PRRC2C: variants seen among roughly 807,000 people sequenced by gnomAD.
PRRC2C encodes the protein protein PRRC2C.
PRRC2C carries 72 observed loss-of-function variants against 317.2 expected under a neutral mutation model. The ratio of observed to expected loss-of-function variants is 0.23; its 90% confidence interval spans 0.19 to 0.28. The LOEUF is 0.28. PRRC2C is among the 10% of genes least tolerant of loss of function. PRRC2C has a pLI of 1.00. For synonymous variants in PRRC2C, 1,296 were observed against 1,205.9 expected (o/e 1.07, Z -1.55); for missense variants, 3,074 against 3,459.7 (o/e 0.89, Z 2.80).
intron 1 of PRRC2C, among the ~76,000 whole-genome samples, chr1:171,507,483 C>T (rs574133300): frequency 3.6e-4 from 55 of 152,174 alleles, no homozygotes; most frequent in Middle Eastern, 3.4e-3. Flanking sequence ...TGGTGGCAGA[C>T]GCCCGTAGTC....
intron 6 of PRRC2C, 132 bp downstream of exon 6, chr1:171,517,946 T>C (rs1182911310): frequency 1.5e-6 from 1 of 688,040 alleles, no homozygotes; most frequent in African/African-American, 1.9e-5. Context: ...CATTCTCTTT[T>C]ATTGTATGGT....
At chr1:171,563,550 G>GA (rs1229406889) in intron 20 of PRRC2C, among the ~76,000 whole-genome samples, 2 of 151,946 alleles carry the variant, frequency 1.3e-5, no homozygotes, top group Admixed American at 1.3e-4. Context: ...AAGGAGTACA[G>GA]AAAAAAATGG....
rs569459757 is a variant in PRRC2C, at chr1:171,546,893, C to T, written c.4972+1206C>T. ...TTGGCCTCCCAAAGTGCTGGGATTA[C>T]GGGCATGAGCCACCACGCCCAGCCA... On this transcript the variant is annotated intron_variant, in intron 17 of 34. Transcript: ENST00000647382. Among the ~76,000 whole-genome samples, 7 of 151,826 alleles carry T rather than the reference C, an allele frequency of 4.6e-5. No individual in the cohort carries two copies. The South Asian group carries it at 1.1e-3, about 23-fold the overall frequency.
Position 171,515,312 on chromosome 1 carries a change from A to G in PRRC2C, c.401-422A>G, listed in dbSNP as rs139267102. ...AAATCAAAGTAAAGTAAATGAAGCA[A>G]TAAATTAAATAAAGGCATTTTAGCC... On this transcript the variant is annotated intron_variant, in intron 4 of 34. Coordinates refer to ENST00000647382, the MANE Select transcript of PRRC2C (RefSeq NM_001387844.1). 2.2e-3 allele frequency among the ~76,000 whole-genome samples: 338 copies of G among 152,362 alleles called. 1 individual carries two copies. Among genetic ancestry groups the G allele is most frequent in the African/African-American group, 7.9e-3 (327 of 41,590 alleles).
At chr1:171,551,901 C>G (rs1201861296) in intron 18 of PRRC2C, among the ~76,000 whole-genome samples, 3 of 152,168 alleles carry the variant, frequency 2.0e-5, no homozygotes, top group Admixed American at 1.3e-4. Context: ...AGCATGATGC[C>G]TCCAGCTTTG....
rs957037984 is a variant in PRRC2C at position 171,591,494 on chromosome 1, A to G, written c.8437-93A>G. 10 of 1,486,830 alleles carry G rather than the reference A, an allele frequency of 6.7e-6. No individual in the cohort carries two copies. In the African/African-American group the frequency reaches 1.4e-4, roughly 21 times the overall value. The allele number at this position is 1,486,830 out of a possible 1,614,324, so 92.1% of individuals were successfully genotyped here. A position where few individuals can be genotyped will look rare whatever the true frequency, so the allele number is the denominator to read the frequency against. ...GGCCAAACCAGTGTGGGGAAAACTG[A>G]TTTGTGATTGGTAAAAGAATTTGAA... is the stretch of plus-strand genomic sequence containing the variant. On this transcript the variant is annotated intron_variant, in intron 34 of 34. Coordinates refer to ENST00000647382, the MANE Select transcript of PRRC2C (RefSeq NM_001387844.1).
Position 171,593,208 on chromosome 1 carries a change from G to A in PRRC2C, c.*1361G>A, listed in dbSNP as rs1159308673. ...GATGACTGCAGAACCTGGAAAAGCT[G>A]TTGCTGCTATTGATGCATAACATAC... On this transcript the variant is annotated 3_prime_UTR_variant, in exon 35 of 35. Coordinates refer to ENST00000647382, the MANE Select transcript of PRRC2C (RefSeq NM_001387844.1). 2.0e-5 allele frequency: 3 copies of A among 149,506 alleles called. No individual in the cohort carries two copies. The highest frequency in any genetic ancestry group is 7.3e-5 in the African/African-American group (3 of 40,858). The allele number at this position is 149,506 out of a possible 1,614,324, so 9.3% of individuals were successfully genotyped here. A position where few individuals can be genotyped will look rare whatever the true frequency, so the allele number is the denominator to read the frequency against.
Position 171,569,197 on chromosome 1 carries a change from A to G in PRRC2C, c.6651+858A>G, listed in dbSNP as rs566889575. ...TAGCCTTCTGTAATAAGTAAAGGCT[A>G]TCAGACTAAAATGTTGATCATCCTT... is the stretch of plus-strand genomic sequence containing the variant. On this transcript the variant is annotated intron_variant, in intron 23 of 34. Transcript: ENST00000647382. Among the ~76,000 whole-genome samples, 15 of 152,296 alleles carry G rather than the reference A, an allele frequency of 9.8e-5. 1 individual carries two copies. The highest frequency in any genetic ancestry group is 3.4e-4 in the African/African-American group (14 of 41,578).
At chr1:171,586,900 G>A (rs1355609406) in intron 30 of PRRC2C, 103 bp from the exon 31 acceptor site, 1 of 955,910 alleles carries the variant, frequency 1.0e-6, no homozygotes, top group Non-Finnish European at 1.6e-6. Context: ...TGTTCTGTTT[G>A]AAATCTTACT....
intron 30 of PRRC2C, 32 bp downstream of exon 30, chr1:171,584,558 T>G: frequency 2.0e-6 from 3 of 1,512,146 alleles, no homozygotes; most frequent in South Asian, 1.3e-5. Context: ...TTCCTCAATT[T>G]TCTTTATTAT....
chr1:171,573,641 G>A (rs1019058311), intron 24 of PRRC2C, among the ~76,000 whole-genome samples: 2 of 150,114 alleles, frequency 1.3e-5, no homozygotes, highest in Admixed American at 1.3e-4. Flanking sequence ...TTAAAGGAAG[G>A]CAGGGTAAAA....
chr1:171,518,127 A>C (rs6425288), intron 6 of PRRC2C, among the ~76,000 whole-genome samples: 190 of 152,310 alleles, frequency 1.2e-3, no homozygotes, highest in Non-Finnish European at 2.1e-3. Flanking sequence ...TTTATTATTA[A>C]CAGGGATTGC....
chr1:171,568,385 C>G (rs1282219468), intron 23 of PRRC2C, 46 bp downstream of exon 23: 1 of 1,554,864 alleles, frequency 6.4e-7, no homozygotes, highest in Non-Finnish European at 8.7e-7. Context: ...TGGAACCTGG[C>G]TATTATTATC....
intron 11 of PRRC2C, among the ~76,000 whole-genome samples, chr1:171,531,573 A>G (rs902841741): frequency 3.3e-5 from 5 of 152,258 alleles, no homozygotes; most frequent in Admixed American, 3.3e-4. Flanking sequence ...AGATTTCTTC[A>G]CCCTAGTAGC....
intron 1 of PRRC2C, among the ~76,000 whole-genome samples, chr1:171,502,034 C>T (rs1669199757): frequency 6.6e-6 from 1 of 152,162 alleles, no homozygotes; most frequent in African/African-American, 2.4e-5. Context: ...ATAATCATCC[C>T]ACCCCTGCCT....
At chr1:171,497,040 C>T (rs890687776) in intron 1 of PRRC2C, among the ~76,000 whole-genome samples, 6 of 152,206 alleles carry the variant, frequency 3.9e-5, no homozygotes, top group African/African-American at 1.4e-4. Context: ...ATCCTCCCAC[C>T]TCTGCCTCCC....
intron 24 of PRRC2C, among the ~76,000 whole-genome samples, chr1:171,572,705 G>A (rs1684989279): frequency 6.6e-6 from 1 of 151,976 alleles, no homozygotes; most frequent in African/African-American, 2.4e-5. Context: ...TACTTTTATG[G>A]TTTTTATCAT....
intron 26 of PRRC2C, 98 bp downstream of exon 26, chr1:171,577,735 C>A: frequency 2.0e-6 from 2 of 991,416 alleles, no homozygotes; most frequent in African/African-American, 1.6e-5. Flanking sequence ...AAGCATAAGG[C>A]TCTTAAAGTA....
chr1:171,586,063 A>ATTTTTTTTTGTTTTTTTT (rs1649858958), intron 30 of PRRC2C, among the ~76,000 whole-genome samples: 1 of 83,032 alleles, frequency 1.2e-5, no homozygotes, highest in Non-Finnish European at 2.2e-5. Flanking sequence ...TCAGGTGTTG[A>ATTTTTTTTTGTTTTTTTT]TTTTTTTTTT....
Sources: allele counts gnomAD v4.1 joint callset (sites outside exome capture counted in the v4.1 genomes callset), GRCh38; gene constraint gnomAD v4.1.1; transcripts MANE v1.5; gene names NCBI Gene and HGNC (gene_info 2026-07-23, HGNC 2026-07-21).